FGGY: variants seen among roughly 807,000 people sequenced by gnomAD.
The protein encoded by FGGY is FGGY carbohydrate kinase domain containing, also known as FGGY carbohydrate kinase domain-containing protein.
A neutral mutation model predicts 71.3 loss-of-function variants in FGGY; 72 were observed. The ratio of observed to expected loss-of-function variants is 1.01; its 90% confidence interval spans 0.84 to 1.23. The LOEUF (loss-of-function observed/expected upper bound fraction) is 1.23, where lower values mean the gene tolerates loss of function less well. FGGY is among the 50% of genes most tolerant of loss of function. FGGY has a pLI of 0.00. For missense variants in FGGY, 668 were observed against 682.3 expected (o/e 0.98, Z 0.23); for synonymous variants, 251 against 250.3 (o/e 1.00, Z -0.02).
chr1:59,524,500 C>T lies in FGGY; in HGVS notation c.799+12061C>T, dbSNP rs149907088. 1.4e-3 allele frequency among the ~76,000 whole-genome samples: 215 copies of T among 152,290 alleles called. 2 individuals carry two copies. The highest frequency in any genetic ancestry group is 5.0e-3 in the African/African-American group (207 of 41,554). On this transcript the variant is annotated intron_variant, in intron 7 of 15. Coordinates refer to ENST00000303721, the MANE Select transcript of FGGY (RefSeq NM_018291.5). ...AGAACTTGTGTTGCTTTTTCTGGGT[C>T]CACCCATGGCTACCCATGGACCAAT...
intron 4 of FGGY, among the ~76,000 whole-genome samples, chr1:59,371,198 C>T: frequency 6.6e-6 from 1 of 152,006 alleles, no homozygotes; most frequent in Non-Finnish European, 1.5e-5. Flanking sequence ...CTCAAAATAA[C>T]AGGATGGAGG....
At chr1:59,646,003 G>A (rs191873820) in intron 11 of FGGY, among the ~76,000 whole-genome samples, 2 of 152,354 alleles carry the variant, frequency 1.3e-5, no homozygotes, top group Admixed American at 1.3e-4. Context: ...GGGAGACCAG[G>A]AGAGAGTCAG....
chr1:59,685,128 C>A (rs2097534111), intron 14 of FGGY, among the ~76,000 whole-genome samples: 2 of 152,178 alleles, frequency 1.3e-5, no homozygotes, highest in African/African-American at 4.8e-5. Context: ...CAGCCCTGTG[C>A]TTTGGAGGGC....
intron 7 of FGGY, among the ~76,000 whole-genome samples, chr1:59,543,086 A>G (rs528412495): frequency 3.3e-5 from 5 of 152,336 alleles, no homozygotes; most frequent in African/African-American, 9.6e-5. Context: ...TGCATACTTC[A>G]TGAGATTTTC....
chr1:59,474,316 C>T (rs1479513118), intron 6 of FGGY: 2 of 152,210 alleles, frequency 1.3e-5, no homozygotes, highest in African/African-American at 4.8e-5. Flanking sequence ...CTTCCTACTG[C>T]TGGAGAATCA....
chr1:59,626,011 T>C lies in FGGY; in HGVS notation c.1035T>C (p.His345=). ...GKLIDHMVQG[H]AAFPELQVKA... ...AGATAGACCACATGGTACAAGGCCA[T>C]GCTGCTTTTCCAGAACTACAAGTAA... The change falls in exon 10 of 16, where the codon CAT becomes CAC. Residue 345 remains histidine, a synonymous_variant. Transcript: ENST00000303721. 6.2e-7 allele frequency: 1 copy of C among 1,613,650 alleles called. No homozygotes were observed. Among genetic ancestry groups the C allele is most frequent in the Admixed American group, 1.7e-5 (1 of 59,990 alleles).
intron 6 of FGGY, among the ~76,000 whole-genome samples, chr1:59,499,625 G>C (rs2094160534): frequency 6.6e-6 from 1 of 151,994 alleles, no homozygotes; most frequent in Admixed American, 6.6e-5. Flanking sequence ...AAAAAGTTTT[G>C]GTCCTGGAAA....
intron 8 of FGGY, among the ~76,000 whole-genome samples, chr1:59,588,277 A>T (rs937082824): frequency 2.0e-5 from 3 of 152,152 alleles, no homozygotes; most frequent in Non-Finnish European, 4.4e-5. Flanking sequence ...AAAGCCTCCA[A>T]GAAATATGGG....
intron 6 of FGGY, among the ~76,000 whole-genome samples, chr1:59,478,705 G>T (rs915706982): frequency 2.0e-5 from 3 of 152,204 alleles, no homozygotes; most frequent in Non-Finnish European, 1.5e-5. Context: ...TAGAAATAGA[G>T]ATTTGGAAGT....
At chr1:59,722,957 C>T (rs1018418342) in intron 14 of FGGY, among the ~76,000 whole-genome samples, 10 of 152,094 alleles carry the variant, frequency 6.6e-5, no homozygotes, top group East Asian at 1.9e-4. Context: ...CCACCATGCC[C>T]GGCTAATTTT....
At chr1:59,684,167 T>A (rs1280231919) in intron 14 of FGGY, among the ~76,000 whole-genome samples, 2 of 152,184 alleles carry the variant, frequency 1.3e-5, no homozygotes, top group Non-Finnish European at 2.9e-5. Flanking sequence ...GAATTCCCAG[T>A]CTACTGGTGG....
Position 59,568,604 on chromosome 1 carries a change from G to C in FGGY, c.903+14377G>C, listed in dbSNP as rs2095921883. Among the ~76,000 whole-genome samples the C allele has an allele frequency of 2.6e-5, 4 of 152,126 alleles. 1 individual carries two copies. Among genetic ancestry groups the C allele is most frequent in the African/African-American group, 4.8e-5 (2 of 41,420 alleles). On this transcript the variant is annotated intron_variant, in intron 8 of 15. Coordinates refer to ENST00000303721, the MANE Select transcript of FGGY (RefSeq NM_018291.5). ...GGAGACAACAAACCTTGGGTTCTTA[G>C]TTACTACACTGTCCGTGTGTGCGTC...
intron 11 of FGGY, among the ~76,000 whole-genome samples, chr1:59,653,279 A>C (rs1290825911): frequency 2.6e-5 from 4 of 152,194 alleles, no homozygotes; most frequent in Non-Finnish European, 4.4e-5. Flanking sequence ...GGTGGACTCC[A>C]CCCAGTTCGA....
At chr1:59,599,802 T>C (rs12740006) in intron 8 of FGGY, among the ~76,000 whole-genome samples, 27,096 of 150,500 alleles carry the variant, frequency 0.18, 2,896 homozygotes, top group South Asian at 0.35. Context: ...AGAAAGAAAA[T>C]GGCACAAGGG....
At chr1:59,391,275 C>T (rs943515609) in intron 5 of FGGY, among the ~76,000 whole-genome samples, 1 of 152,038 alleles carries the variant, frequency 6.6e-6, no homozygotes, top group Non-Finnish European at 1.5e-5. Flanking sequence ...GCCAGCCCAA[C>T]CTGAGTTCAG....
intron 8 of FGGY, among the ~76,000 whole-genome samples, chr1:59,587,087 G>A (rs527287632): frequency 1.6e-4 from 24 of 152,102 alleles, no homozygotes; most frequent in South Asian, 4.2e-4. Context: ...GGTCACTCCC[G>A]CCCTAATACT....
At chr1:59,684,147 G>A (rs940069792) in intron 14 of FGGY, among the ~76,000 whole-genome samples, 5 of 152,188 alleles carry the variant, frequency 3.3e-5, no homozygotes, top group African/African-American at 9.7e-5. Context: ...ACACAATGTC[G>A]GTACCCAAGG....
At chr1:59,460,734 T>A (rs2153520084) in intron 6 of FGGY, among the ~76,000 whole-genome samples, 1 of 152,322 alleles carries the variant, frequency 6.6e-6, no homozygotes, top group East Asian at 1.9e-4. Context: ...ATATTTGCTG[T>A]TCTGCAGTAT....
At chr1:59,331,468 G>A (rs928616002) in intron 2 of FGGY, among the ~76,000 whole-genome samples, 2 of 151,850 alleles carry the variant, frequency 1.3e-5, no homozygotes, top group Admixed American at 1.3e-4. Flanking sequence ...CTCTGCGCTC[G>A]CTGTTCCCCT....
Sources: allele counts gnomAD v4.1 joint callset (sites outside exome capture counted in the v4.1 genomes callset), GRCh38; gene constraint gnomAD v4.1.1; transcripts MANE v1.5; gene names NCBI Gene and HGNC (gene_info 2026-07-23, HGNC 2026-07-21).